Variants in SCN1A observed in about 807,000 individuals in gnomAD.
The protein encoded by SCN1A is sodium channel protein type 1 subunit alpha.
Under a neutral mutation model 193.7 loss-of-function variants are expected in SCN1A, and 13 were observed. The ratio of observed to expected loss-of-function variants is 0.07; its 90% CI spans 0.04 to 0.11. The LOEUF (loss-of-function observed/expected upper bound fraction) is 0.11, where lower values mean the gene tolerates loss of function less well. Ranked by LOEUF, SCN1A falls within the 10% of genes least tolerant of loss-of-function variation. The pLI is 1.00. For missense variants in SCN1A, 1,432 were observed against 2,451.1 expected, an observed-to-expected ratio of 0.58 and a Z score of 8.78; for synonymous variants, 781 against 843.6, an observed-to-expected ratio of 0.93 and a Z score of 1.29.
At chr2:166,086,492 A>G (rs1035647364) in intron 2 of SCN1A, among the ~76,000 whole-genome samples, 9 of 152,166 alleles carry the variant, frequency 5.9e-5, no homozygotes, top group Non-Finnish European at 1.2e-4. Flanking sequence ...TTCTCCTCTC[A>G]TAAATATTCA....
rs1553520513 is a variant in SCN1A, at chr2:165,992,405, G to T, written c.4870C>A (p.Leu1624Met). 1 of 1,613,470 alleles carries T rather than the reference G, an allele frequency of 6.2e-7. No individual in the cohort carries two copies. Among genetic ancestry groups the T allele is most frequent in the Non-Finnish European group, 8.5e-7 (1 of 1,179,680 alleles). Residue 1624 changes from leucine (L) to methionine (M), a missense_variant, in exon 29 of 29, where the codon CTG becomes ATG. Physicochemically the swap from Leu to Met is conservative, Grantham distance 15. This residue lies in a region of SCN1A where 85 missense variants were observed against 213.2 expected (regional missense o/e 0.40). Coordinates refer to ENST00000674923, the MANE Select transcript of SCN1A (RefSeq NM_001165963.4). This position sits in a 1 kb window ranked among gnomAD's most constrained non-coding sequence, Gnocchi z 6.5. ...LSIVGMFLAELIEKYFVSPTL... is the reference protein window; with the variant it reads ...LSIVGMFLAEMIEKYFVSPTL... ...GGGGACACGAAATACTTTTCTATCA[G>T]CTCGGCAAGAAACATACCTATGAAT...
Position 166,073,604 on chromosome 2 carries a change from A to C in SCN1A, c.18T>G (p.Leu6=), listed in dbSNP as rs1553561004. The change falls in exon 4 of 29, where the codon CTT becomes CTG. Residue 6 remains leucine, a synonymous_variant. Transcript: ENST00000674923. The part of the protein sequence containing the change: MEQTV[L]VPPGPDSFNF... Reference sequence around the variant, plus strand: ...TGAAGCTGTCAGGTCCTGGTGGTACAAGCACTGTTTGCTCCATCTTGTCAT... The same window carrying C: ...TGAAGCTGTCAGGTCCTGGTGGTACCAGCACTGTTTGCTCCATCTTGTCAT... The C allele has an allele frequency of 1.2e-6, 2 of 1,614,080 alleles. No homozygotes were observed. Among genetic ancestry groups the C allele is most frequent in the Non-Finnish European group, 1.7e-6 (2 of 1,180,034 alleles).
At chr2:165,999,586 A>AT in intron 25 of SCN1A, 137 bp downstream of exon 25, 1 of 707,154 alleles carries the variant, frequency 1.4e-6, no homozygotes, top group South Asian at 1.6e-5. Context: ...CTATGCTTGA[A>AT]TATTTACCTG....
intron 18 of SCN1A, 121 bp downstream of exon 18, chr2:166,037,655 C>CTTT: frequency 4.6e-6 from 4 of 860,800 alleles, no homozygotes; most frequent in Non-Finnish European, 7.5e-6. Flanking sequence ...AAATTATACT[C>CTTT]TTTTTTTTTA....
chr2:166,048,545 A>T (rs1372905960), intron 10 of SCN1A, among the ~76,000 whole-genome samples: 1 of 152,044 alleles, frequency 6.6e-6, no homozygotes, highest in African/African-American at 2.4e-5. Flanking sequence ...GTTATTTTTT[A>T]TGGCTGCATA....
intron 21 of SCN1A, 94 bp downstream of exon 21, chr2:166,013,650 G>T: frequency 8.9e-7 from 1 of 1,119,782 alleles, no homozygotes; most frequent in Non-Finnish European, 1.3e-6. Context: ...AAATGCATTG[G>T]ATACTAAGAC....
At chr2:166,029,439 G>A (rs692995) in intron 19 of SCN1A, among the ~76,000 whole-genome samples, 141,365 of 152,062 alleles carry the variant, frequency 0.93, 65,938 homozygotes, top group East Asian at 0.98. Context: ...ATTAGAAGTA[G>A]TGGAGATAGT....
At chr2:166,052,730 G>A in intron 8 of SCN1A, 122 bp downstream of exon 8, 2 of 839,888 alleles carry the variant, frequency 2.4e-6, no homozygotes, top group East Asian at 2.7e-5. Flanking sequence ...TAAACAATAA[G>A]AATCATTTTC....
At chr2:166,115,141 T>C (rs1184415812) in intron 2 of SCN1A, among the ~76,000 whole-genome samples, 8 of 152,082 alleles carry the variant, frequency 5.3e-5, no homozygotes, top group Admixed American at 5.2e-4. Flanking sequence ...GTGGATCACC[T>C]GAGGTCAGGA....
intron 4 of SCN1A, among the ~76,000 whole-genome samples, chr2:166,068,794 T>A (rs1050926735): frequency 2.6e-5 from 4 of 152,298 alleles, no homozygotes; most frequent in African/African-American, 9.6e-5. Flanking sequence ...TTTTAAATGA[T>A]CCATAGGACT....
At chr2:166,077,629 T>C (rs1286062162) in intron 3 of SCN1A, 81 bp downstream of exon 3, 4 of 151,948 alleles carry the variant, frequency 2.6e-5, no homozygotes, top group African/African-American at 9.7e-5. Context: ...GCAAGCAAAA[T>C]GGTACAGCAA....
chr2:166,130,625 A>G (rs1180388204), upstream of SCN1A, among the ~76,000 whole-genome samples: 1 of 152,162 alleles, frequency 6.6e-6, no homozygotes, highest in Non-Finnish European at 1.5e-5. Context: ...TTTATGTTGT[A>G]TCTTATGAAA....
chr2:165,999,588 AT>A, intron 25 of SCN1A, 134 bp downstream of exon 25: 1 of 713,768 alleles, frequency 1.4e-6, no homozygotes. Context: ...ATGCTTGAAT[AT>A]TTACCTGTCA....
At chr2:166,013,410 C>T (rs544055799) in intron 21 of SCN1A, among the ~76,000 whole-genome samples, 1 of 151,420 alleles carries the variant, frequency 6.6e-6, no homozygotes, top group Non-Finnish European at 1.5e-5. Flanking sequence ...ATATATATTC[C>T]CATCCCAGGG....
At chr2:166,139,178 G>A (rs193192142) in intron 1 of SCN1A, among the ~76,000 whole-genome samples, 2 of 152,270 alleles carry the variant, frequency 1.3e-5, no homozygotes, top group Admixed American at 6.5e-5. Context: ...GGACTTTTCA[G>A]TTAATGCTGA....
upstream of SCN1A, among the ~76,000 whole-genome samples, chr2:166,132,922 T>A (rs1301529616): frequency 1.3e-5 from 2 of 150,128 alleles, no homozygotes; most frequent in Non-Finnish European, 3.0e-5. Flanking sequence ...ACTTGTAATA[T>A]AATGAACATA....
At chr2:166,017,682 A>G (rs1021154833) in intron 19 of SCN1A, among the ~76,000 whole-genome samples, 1 of 152,086 alleles carries the variant, frequency 6.6e-6, no homozygotes, top group Non-Finnish European at 1.5e-5. Context: ...CCCATTCTTC[A>G]TGAAACAATT....
chr2:166,005,984 C>A (rs1457612626), intron 23 of SCN1A, among the ~76,000 whole-genome samples: 1 of 151,092 alleles, frequency 6.6e-6, no homozygotes, highest in Non-Finnish European at 1.5e-5. Flanking sequence ...ATTTCTGGTT[C>A]ATTACCTGCA....
chr2:166,029,095 C>T (rs1432221800), intron 19 of SCN1A, among the ~76,000 whole-genome samples: 1 of 151,892 alleles, frequency 6.6e-6, no homozygotes, highest in African/African-American at 2.4e-5. Context: ...ATTAGTATAG[C>T]TGGGTGGGGA....
Sources: allele counts gnomAD v4.1 joint callset (sites outside exome capture counted in the v4.1 genomes callset), GRCh38; gene constraint gnomAD v4.1.1; regional missense constraint gnomAD v4.1.1; non-coding constraint Gnocchi (gnomAD v3.1); transcripts MANE v1.5; gene names NCBI Gene and HGNC (gene_info 2026-07-23, HGNC 2026-07-21).